PCDHA8: variants seen among roughly 807,000 people sequenced by gnomAD.
PCDHA8 encodes protocadherin alpha-8.
Under a neutral mutation model 61.8 loss-of-function variants are expected in PCDHA8, and 53 were observed. That is an observed-to-expected ratio of 0.86 (90% CI 0.69 to 1.08). The LOEUF (loss-of-function observed/expected upper bound fraction) is 1.08. Among genes scored for constraint, PCDHA8 ranks in the 50% least tolerant of loss-of-function variants. The probability of loss-of-function intolerance (pLI) is 0.00; values close to 1 mark genes in which losing one functional copy is unlikely to be tolerated. For synonymous variants in PCDHA8, 618 were observed against 556.6 expected (o/e 1.11, Z -1.55); for missense variants, 1,293 against 1,245.0 (o/e 1.04, Z -0.58).
intron 1 of PCDHA8, chr5:140,877,239 C>T (rs2056959197): frequency 1.9e-6 from 3 of 1,613,668 alleles, no homozygotes; most frequent in Middle Eastern, 1.7e-4. Context: ...GTGCGGGCCA[C>T]GTGGTGGCGA....
chr5:140,927,843 C>G, intron 1 of PCDHA8: 2 of 1,614,186 alleles, frequency 1.2e-6, no homozygotes, highest in Non-Finnish European at 1.7e-6. Flanking sequence ...ACGAAGGTGT[C>G]TTTGGTTTAG....
chr5:140,867,479 A>G (rs1308433664), intron 1 of PCDHA8: 1 of 152,158 alleles, frequency 6.6e-6, no homozygotes, highest in Non-Finnish European at 1.5e-5. Context: ...TTGGGAAAAG[A>G]GTAAATATGA....
At chr5:141,008,905 A>G (rs1212655574) in intron 3 of PCDHA8, among the ~76,000 whole-genome samples, 2 of 152,256 alleles carry the variant, frequency 1.3e-5, no homozygotes, top group African/African-American at 4.8e-5. Flanking sequence ...TAAAATTAAG[A>G]TCAAATAATT....
intron 1 of PCDHA8, among the ~76,000 whole-genome samples, chr5:140,923,099 G>A (rs1164124655): frequency 6.6e-6 from 1 of 152,168 alleles, no homozygotes; most frequent in Non-Finnish European, 1.5e-5. Flanking sequence ...ACCAATGGGA[G>A]TATGATTTTA....
Position 140,926,930 on chromosome 5 carries a change from T to A in PCDHA8, c.2395-52019T>A, listed in dbSNP as rs1554203828. On this transcript the variant is annotated intron_variant, in intron 1 of 3. Coordinates refer to ENST00000531613, the MANE Select transcript of PCDHA8 (RefSeq NM_018911.3). ...GGGGTGGCAGTTTTATGTTTGTGGG[T>A]TTCCTGCGGCGCTGCAGCGGGACAG... 6 of 1,575,058 alleles carry A rather than the reference T, an allele frequency of 3.8e-6. No individual in the cohort carries two copies. The East Asian group carries it at 1.4e-4, about 35-fold the overall frequency.
chr5:140,871,382 A>C (rs781900960), intron 1 of PCDHA8: 1 of 1,614,070 alleles, frequency 6.2e-7, no homozygotes, highest in South Asian at 1.1e-5. Context: ...GTGTGCTCTG[A>C]GGAGGGCCCA....
Position 140,965,675 on chromosome 5 carries a change from A to C in PCDHA8, c.2395-13274A>C, listed in dbSNP as rs1049081993. 1.3e-4 allele frequency among the ~76,000 whole-genome samples: 20 copies of C among 152,350 alleles called. No homozygotes were observed. The Middle Eastern group carries it at 0.01, about 78-fold the overall frequency. ...AAATGTCTTGGGTGATAAATGTAAA[A>C]GATTTGAAGCAAGATTAGAAAAAGC... On this transcript the variant is annotated intron_variant, in intron 1 of 3. Transcript: ENST00000531613.
chr5:140,944,744 A>G (rs1408016136), intron 1 of PCDHA8, among the ~76,000 whole-genome samples: 2 of 152,204 alleles, frequency 1.3e-5, no homozygotes, highest in East Asian at 3.8e-4. Context: ...CTGAGCATTT[A>G]CATGGAAAAA....
intron 3 of PCDHA8, among the ~76,000 whole-genome samples, chr5:141,002,059 G>T (rs983772482): frequency 6.6e-6 from 1 of 152,242 alleles, no homozygotes; most frequent in East Asian, 1.9e-4. Flanking sequence ...AGAGGCAGCA[G>T]CAGCCGCCAG....
chr5:140,875,806 A>G, intron 1 of PCDHA8: 1 of 1,614,204 alleles, frequency 6.2e-7, no homozygotes, highest in African/African-American at 1.3e-5. Context: ...GATCGTGGAC[A>G]GGCCGCTGCA....
chr5:140,853,975 C>A, intron 1 of PCDHA8: 1 of 594,170 alleles, frequency 1.7e-6, no homozygotes, highest in Non-Finnish European at 2.2e-6. Flanking sequence ...CAGTTTGAGA[C>A]CAATGTAGTG....
intron 1 of PCDHA8, among the ~76,000 whole-genome samples, chr5:140,907,796 A>AG (rs2073616997): frequency 6.6e-6 from 1 of 152,214 alleles, no homozygotes; most frequent in African/African-American, 2.4e-5. Flanking sequence ...AAAGAGGCTA[A>AG]GTGGTGTCCA....
Position 140,909,713 on chromosome 5 carries a change from C to G in PCDHA8, c.2394+65998C>G, listed in dbSNP as rs6870083. 8.9e-3 allele frequency among the ~76,000 whole-genome samples: 1,356 copies of G among 152,266 alleles called. 15 individuals carry two copies. The highest frequency in any genetic ancestry group is 0.032 in the African/African-American group (1,312 of 41,548). ...GGGTTCTGCTAGCTGCTAAGTATAC[C>G]TATGCCAATTATGCATTCTGGCACT... is the stretch of plus-strand genomic sequence containing the variant. On this transcript the variant is annotated intron_variant, in intron 1 of 3. Transcript: ENST00000531613.
chr5:140,923,012 G>A (rs2081117924), intron 1 of PCDHA8, among the ~76,000 whole-genome samples: 1 of 152,206 alleles, frequency 6.6e-6, no homozygotes, highest in Non-Finnish European at 1.5e-5. Flanking sequence ...TTGTTGGACT[G>A]CAGTTTCGGA....
At chr5:140,981,111 T>C (rs1275828842) in intron 2 of PCDHA8, among the ~76,000 whole-genome samples, 3 of 152,232 alleles carry the variant, frequency 2.0e-5, no homozygotes, top group African/African-American at 2.4e-5. Context: ...GAATTTCTAC[T>C]GGATATGTTG....
At chr5:140,924,901 AAAAATAAAAT>A (rs10667761) in intron 1 of PCDHA8, among the ~76,000 whole-genome samples, 1,500 of 80,408 alleles carry the variant, frequency 0.019, 14 homozygotes, top group African/African-American at 0.052. Context: ...TCTCAAAAAA[AAAAATAAAAT>A]AAAATAAAAT....
chr5:140,889,547 T>C (rs2062267601), intron 1 of PCDHA8, among the ~76,000 whole-genome samples: 1 of 152,192 alleles, frequency 6.6e-6, no homozygotes, highest in Non-Finnish European at 1.5e-5. Context: ...TCTAATTTAC[T>C]TTTCTTCAGA....
chr5:140,925,640 G>GAA (rs1554202829), intron 1 of PCDHA8, among the ~76,000 whole-genome samples: 1 of 75,086 alleles, frequency 1.3e-5, no homozygotes, highest in Non-Finnish European at 2.8e-5. Context: ...AGAACTTAAA[G>GAA]TATAATAATA....
chr5:141,002,157 GGGC>G (rs797024683), intron 3 of PCDHA8, among the ~76,000 whole-genome samples: 4 of 152,372 alleles, frequency 2.6e-5, no homozygotes, highest in African/African-American at 9.6e-5. Flanking sequence ...TTAGCAGAGT[GGGC>G]GGTAGGCAGG....
Sources: gnomAD v4.1 joint callset for allele counts (sites outside exome capture counted in the v4.1 genomes callset) on GRCh38, gnomAD v4.1.1 for gene constraint, MANE v1.5 for transcripts, NCBI Gene and HGNC (gene_info 2026-07-23, HGNC 2026-07-21) for gene names.